The following PCDHA13 variants were observed in gnomAD, a reference collection of about 807,000 sequenced individuals.
PCDHA13 encodes protocadherin alpha 13.
Under a neutral mutation model 64.8 loss-of-function variants are expected in PCDHA13, and 54 were observed. The ratio of observed to expected loss-of-function variants is 0.83; its 90% CI spans 0.67 to 1.04. The LOEUF is 1.04. PCDHA13 is among the 50% of genes least tolerant of loss of function. PCDHA13 has a pLI of 0.00. For missense variants in PCDHA13, 1,248 were observed against 1,254.3 expected (o/e 0.99, Z 0.08); for synonymous variants, 587 against 564.4 (o/e 1.04, Z -0.57).
chr5:140,996,678 G>T (rs922990686), intron 3 of PCDHA13, among the ~76,000 whole-genome samples: 28 of 152,162 alleles, frequency 1.8e-4, no homozygotes, highest in African/African-American at 6.7e-4. Context: ...AACCATGTTG[G>T]GCTAGTATTC....
intron 3 of PCDHA13, 79 bp downstream of exon 3, chr5:140,982,642 G>T: frequency 6.5e-7 from 1 of 1,529,982 alleles, no homozygotes; most frequent in Non-Finnish European, 8.8e-7. Flanking sequence ...GATCAGGAAT[G>T]TTGATGGCTC....
chr5:140,888,994 T>A (rs1486471421), intron 1 of PCDHA13, among the ~76,000 whole-genome samples: 5 of 152,154 alleles, frequency 3.3e-5, no homozygotes, highest in African/African-American at 1.2e-4. Flanking sequence ...TATGATTTTC[T>A]TATGGCAAAC....
At chr5:140,942,221 G>A (rs1238547021) in intron 1 of PCDHA13, among the ~76,000 whole-genome samples, 1 of 152,046 alleles carries the variant, frequency 6.6e-6, no homozygotes, top group African/African-American at 2.4e-5. Context: ...TATTTAAAAT[G>A]TGTAGGCAAA....
chr5:140,967,201 A>G (rs1554229306), intron 1 of PCDHA13: 7 of 1,613,620 alleles, frequency 4.3e-6, no homozygotes, highest in Non-Finnish European at 5.9e-6. Flanking sequence ...ACGACAACTC[A>G]CCGCGTTTCC....
In PCDHA13 at chr5:140,883,729, C is replaced by T. The variant is rs572170960; in HGVS notation, c.1461C>T (p.Asn487=). 8 of 1,613,520 alleles carry T rather than the reference C, an allele frequency of 5.0e-6. No homozygotes were observed. In the African/African-American group the frequency reaches 8.0e-5, roughly 16 times the overall value. ...VSAQDADAQE[N]ALVSYSLVER... is the part of the protein sequence containing the mutation. ...CTCAGGACGCGGACGCACAGGAGAA[C>T]GCGCTGGTCTCCTACTCGCTGGTGG... Residue 487 remains asparagine, a synonymous_variant, in exon 1 of 4, where the codon AAC becomes AAT. Coordinates refer to ENST00000289272, the MANE Select transcript of PCDHA13 (RefSeq NM_018904.3).
chr5:140,959,073 G>A (rs775479268), intron 1 of PCDHA13, among the ~76,000 whole-genome samples: 2 of 152,094 alleles, frequency 1.3e-5, no homozygotes, highest in Non-Finnish European at 2.9e-5. Flanking sequence ...ATAGAATTCA[G>A]TATTATCCTT....
At chr5:140,886,654 T>C (rs2061065769) in intron 1 of PCDHA13, among the ~76,000 whole-genome samples, 1 of 151,782 alleles carries the variant, frequency 6.6e-6, no homozygotes, top group African/African-American at 2.4e-5. Context: ...GGTGAAACCC[T>C]GTCTCTACTA....
chr5:140,900,799 G>T (rs797036955), intron 1 of PCDHA13, among the ~76,000 whole-genome samples: 1 of 152,138 alleles, frequency 6.6e-6, no homozygotes, highest in East Asian at 1.9e-4. Context: ...GTTCTCCATA[G>T]TGCTTGTACT....
chr5:140,931,864 T>G (rs1554208617), intron 1 of PCDHA13, among the ~76,000 whole-genome samples: 1 of 151,976 alleles, frequency 6.6e-6, no homozygotes, highest in African/African-American at 2.4e-5. Flanking sequence ...ATTCTAGAAA[T>G]AAAATATTTA....
chr5:140,966,520 C>T, intron 1 of PCDHA13: 1 of 437,694 alleles, frequency 2.3e-6, no homozygotes, highest in East Asian at 3.5e-5. Context: ...CAGCAGGAAG[C>T]CGAGCCGGGT....
intron 1 of PCDHA13, among the ~76,000 whole-genome samples, chr5:140,975,683 G>A (rs1226769029): frequency 2.0e-5 from 3 of 151,934 alleles, no homozygotes; most frequent in Non-Finnish European, 2.9e-5. Context: ...AATAAAATAG[G>A]GTATTTTAAA....
chr5:140,985,739 CTTTTTTT>C (rs11372071), intron 3 of PCDHA13, among the ~76,000 whole-genome samples: 2 of 117,922 alleles, frequency 1.7e-5, no homozygotes, highest in African/African-American at 6.4e-5. Flanking sequence ...TGATGAATTC[CTTTTTTT>C]TTTTTTTTTT....
At chr5:140,966,741 G>T in intron 1 of PCDHA13, 1 of 1,421,322 alleles carries the variant, frequency 7.0e-7, no homozygotes, top group Non-Finnish European at 9.1e-7. Flanking sequence ...GGCCCTGCCC[G>T]GCTGCCTCCG....
Position 140,993,501 on chromosome 5 carries a change from C to CAT in PCDHA13, c.2542+10939_2542+10940insTA, listed in dbSNP as rs1159844142. Among the ~76,000 whole-genome samples the CAT allele has an allele frequency of 9.9e-4, 148 of 149,100 alleles. 5 individuals carry two copies. In the East Asian group the frequency reaches 0.024, roughly 24 times the overall value. On this transcript the variant is annotated intron_variant, in intron 3 of 3. Transcript: ENST00000289272. ...ACACACACACACACACACACACACA[C>CAT]ACACACACGGGGAGAGAGAGACAGA...
intron 1 of PCDHA13, chr5:140,967,975 T>C (rs781819149): frequency 3.2e-5 from 52 of 1,614,016 alleles, no homozygotes; most frequent in African/African-American, 5.3e-5. Context: ...TGAGCCTGGG[T>C]CTGGAGGCCA....
At chr5:140,928,489 C>A in intron 1 of PCDHA13, 1 of 1,614,152 alleles carries the variant, frequency 6.2e-7, no homozygotes. Context: ...TGGTGGCATT[C>A]CTCCCAGAAG....
In PCDHA13 at chr5:140,883,718, G is replaced by A. The variant is rs376943163; in HGVS notation, c.1450G>A (p.Ala484Thr). 7 of 1,613,642 alleles carry A rather than the reference G, an allele frequency of 4.3e-6. No homozygotes were observed. The South Asian group carries it at 6.6e-5, about 15-fold the overall frequency. The part of the protein sequence containing the change: ...IFTVSAQDAD[A>T]QENALVSYSL... ...CACGGTGTCTGCTCAGGACGCGGAC[G>A]CACAGGAGAACGCGCTGGTCTCCTA... Residue 484 changes from alanine (A) to threonine (T), a missense_variant, in exon 1 of 4, where the codon GCA (alanine) becomes ACA (threonine). By Grantham distance (58) the Ala-to-Thr change is moderately conservative. Transcript: ENST00000289272.
chr5:140,971,529 T>G (rs782358590), intron 1 of PCDHA13, among the ~76,000 whole-genome samples: 1 of 152,176 alleles, frequency 6.6e-6, no homozygotes, highest in East Asian at 1.9e-4. Flanking sequence ...GTTCTGAAAG[T>G]CATCATTGCC....
At chr5:140,902,761 G>A (rs58783050) in intron 1 of PCDHA13, among the ~76,000 whole-genome samples, 3,599 of 148,306 alleles carry the variant, frequency 0.024, 139 homozygotes, top group African/African-American at 0.083. Flanking sequence ...TCATTCTTAT[G>A]TCTTTGCATT....
Sources: allele counts gnomAD v4.1 joint callset (sites outside exome capture counted in the v4.1 genomes callset), GRCh38; gene constraint gnomAD v4.1.1; transcripts MANE v1.5; gene names NCBI Gene and HGNC (gene_info 2026-07-23, HGNC 2026-07-21).